ATP9B: variants seen among roughly 807,000 people sequenced by gnomAD.
ATP9B encodes the protein ATPase phospholipid transporting 9B.
A neutral mutation model predicts 146.1 loss-of-function variants in ATP9B; 110 were observed. The observed-to-expected ratio is 0.75, with a 90% CI of 0.65 to 0.88. ATP9B has a LOEUF of 0.88. Among genes scored for constraint, ATP9B ranks in the 40% least tolerant of loss-of-function variants. ATP9B has a pLI of 0.00. For missense variants in ATP9B, 1,499 were observed against 1,496.4 expected (o/e 1.00, Z -0.03); for synonymous variants, 604 against 569.7 (o/e 1.06, Z -0.86).
chr18:79,200,756 T>TGGGAACTGTCG (rs1568388705), intron 9 of ATP9B, among the ~76,000 whole-genome samples: 2 of 152,210 alleles, frequency 1.3e-5, no homozygotes, highest in Admixed American at 1.3e-4. Context: ...GAGGTGGAGG[T>TGGGAACTGTCG]GGGAACGTTG....
intron 25 of ATP9B, among the ~76,000 whole-genome samples, chr18:79,356,993 C>T (rs75121766): frequency 1.6e-4 from 1 of 6,304 alleles, no homozygotes; most frequent in African/African-American, 8.3e-4. Context: ...GTGAGGGGTG[C>T]CCTGGGTCTG....
Position 79,284,655 on chromosome 18 carries a change from G to A in ATP9B, c.1411+7459G>A, listed in dbSNP as rs527857131. 6.6e-3 allele frequency among the ~76,000 whole-genome samples: 991 copies of A among 151,134 alleles called. 5 individuals carry two copies. The highest frequency in any genetic ancestry group is 0.023 in the African/African-American group (926 of 41,104). The stretch of plus-strand genomic sequence containing the variant: ...TTATTATTATACTTTAAGTTTTAGG[G>A]TACATGTGCACAATGTGCAGGTTAG... On this transcript the variant is annotated intron_variant, in intron 13 of 29. Transcript: ENST00000426216.
intron 6 of ATP9B, among the ~76,000 whole-genome samples, chr18:79,151,760 A>T (rs2094693637): frequency 6.6e-6 from 1 of 151,164 alleles, no homozygotes; most frequent in Non-Finnish European, 1.5e-5. Flanking sequence ...TCTGGGATAC[A>T]TGTGCAGAAC....
At chr18:79,351,156 T>C (rs528631455) in intron 25 of ATP9B, among the ~76,000 whole-genome samples, 2 of 152,352 alleles carry the variant, frequency 1.3e-5, no homozygotes, top group South Asian at 4.1e-4. Context: ...TTGGAAGTCA[T>C]AGAAAAGCAT....
chr18:79,132,232 A>G (rs1015117770), intron 5 of ATP9B, among the ~76,000 whole-genome samples: 3 of 152,230 alleles, frequency 2.0e-5, no homozygotes, highest in African/African-American at 7.2e-5. Context: ...TTTATTTCAA[A>G]TGTACATGAA....
At chr18:79,337,787 A>G (rs1013530507) in intron 19 of ATP9B, among the ~76,000 whole-genome samples, 1 of 152,236 alleles carries the variant, frequency 6.6e-6, no homozygotes, top group African/African-American at 2.4e-5. Flanking sequence ...CACAGGACGC[A>G]TGGAGCCAGT....
intron 10 of ATP9B, among the ~76,000 whole-genome samples, chr18:79,212,324 G>A (rs2095591920): frequency 6.6e-6 from 1 of 152,112 alleles, no homozygotes; most frequent in South Asian, 2.1e-4. Flanking sequence ...TATTGTACCA[G>A]GACCTCTGTT....
intron 2 of ATP9B, among the ~76,000 whole-genome samples, chr18:79,106,489 T>A (rs947510283): frequency 1.3e-5 from 2 of 152,210 alleles, no homozygotes; most frequent in African/African-American, 4.8e-5. Context: ...GGTTTCTGGC[T>A]GCATGATCCA....
intron 2 of ATP9B, among the ~76,000 whole-genome samples, chr18:79,101,237 G>A (rs1310777747): frequency 1.3e-5 from 2 of 151,714 alleles, no homozygotes; most frequent in Non-Finnish European, 1.5e-5. Flanking sequence ...CTGAGCCCTG[G>A]CCTTGGAAAC....
intron 13 of ATP9B, among the ~76,000 whole-genome samples, chr18:79,284,829 T>A (rs2096418660): frequency 6.8e-6 from 1 of 147,010 alleles, no homozygotes; most frequent in Non-Finnish European, 1.5e-5. Flanking sequence ...GTCCGTGTGT[T>A]CTCATTGTTC....
chr18:79,338,487 G>T (rs962199286), intron 19 of ATP9B, among the ~76,000 whole-genome samples: 1 of 152,184 alleles, frequency 6.6e-6, no homozygotes, highest in Non-Finnish European at 1.5e-5. Context: ...GCAGTGCCCC[G>T]TCTCATCCAG....
At chr18:79,286,604 C>G (rs1472652580) in intron 13 of ATP9B, among the ~76,000 whole-genome samples, 4 of 152,054 alleles carry the variant, frequency 2.6e-5, no homozygotes, top group African/African-American at 4.8e-5. Context: ...ATTGAATACC[C>G]TTTATTTCCT....
At chr18:79,161,545 A>C (rs1316045146) in intron 7 of ATP9B, among the ~76,000 whole-genome samples, 2 of 152,118 alleles carry the variant, frequency 1.3e-5, no homozygotes, top group Non-Finnish European at 2.9e-5. Flanking sequence ...TAGTTACTCA[A>C]ATGCAGATAT....
At chr18:79,174,944 T>C (rs1218339287) in intron 7 of ATP9B, among the ~76,000 whole-genome samples, 3 of 152,074 alleles carry the variant, frequency 2.0e-5, no homozygotes, top group Non-Finnish European at 2.9e-5. Flanking sequence ...CTCACACCTG[T>C]AATCCCAGCA....
At chr18:79,299,729 C>T (rs1199972775) in intron 13 of ATP9B, among the ~76,000 whole-genome samples, 3 of 152,204 alleles carry the variant, frequency 2.0e-5, no homozygotes, top group Non-Finnish European at 4.4e-5. Flanking sequence ...AGCTTAAATC[C>T]ACTCTATGAA....
intron 11 of ATP9B, among the ~76,000 whole-genome samples, chr18:79,233,936 C>T (rs998657424): frequency 2.6e-5 from 4 of 152,216 alleles, no homozygotes; most frequent in Non-Finnish European, 4.4e-5. Flanking sequence ...ACGCTTCATT[C>T]AGTGGACGTG....
chr18:79,377,211 TC>T (rs1290739928), intron 29 of ATP9B, 35 bp from the exon 30 acceptor site: 1 of 1,607,274 alleles, frequency 6.2e-7, no homozygotes, highest in African/African-American at 1.3e-5. Flanking sequence ...GACTTCTTGG[TC>T]AGCTCTTACC....
At chr18:79,086,551 C>A (rs1480090892) in intron 1 of ATP9B, 2 of 145,706 alleles carry the variant, frequency 1.4e-5, no homozygotes, top group African/African-American at 5.1e-5. Flanking sequence ...AGCATGAAGA[C>A]AGAGTTGATA....
At chr18:79,263,358 C>T (rs544067902) in intron 12 of ATP9B, among the ~76,000 whole-genome samples, 19 of 152,140 alleles carry the variant, frequency 1.2e-4, no homozygotes, top group Admixed American at 5.9e-4. Context: ...CTGCGGGGTT[C>T]GCCTCCCAGG....
Sources: allele counts gnomAD v4.1 joint callset (sites outside exome capture counted in the v4.1 genomes callset), GRCh38; gene constraint gnomAD v4.1.1; transcripts MANE v1.5; gene names NCBI Gene and HGNC (gene_info 2026-07-23, HGNC 2026-07-21).